SMAD9: variants seen among roughly 807,000 people sequenced by gnomAD.
The protein encoded by SMAD9 is MAD homolog 9.
A neutral mutation model predicts 46.1 loss-of-function variants in SMAD9; 36 were observed. The ratio of observed to expected loss-of-function variants is 0.78; its 90% confidence interval spans 0.60 to 1.03. The LOEUF is 1.03. SMAD9 is among the 50% of genes least tolerant of loss of function. The pLI, the probability that SMAD9 is intolerant of heterozygous loss-of-function variation, is 0.00. For synonymous variants in SMAD9, 245 were observed against 237.1 expected, an observed-to-expected ratio of 1.03 and a Z score of -0.31; for missense variants, 572 against 599.8, an observed-to-expected ratio of 0.95 and a Z score of 0.48.
intron 1 of SMAD9, among the ~76,000 whole-genome samples, chr13:36,889,220 G>C (rs145955921): frequency 2.0e-5 from 3 of 152,028 alleles, no homozygotes; most frequent in African/African-American, 7.3e-5. Context: ...GTGTCTCTGG[G>C]GTGCCCACAT....
intron 1 of SMAD9, among the ~76,000 whole-genome samples, chr13:36,908,598 A>T (rs2058636422): frequency 6.6e-6 from 1 of 152,246 alleles, no homozygotes; most frequent in Admixed American, 6.5e-5. Flanking sequence ...TACAATACAC[A>T]ACTAAATATG....
intron 2 of SMAD9, among the ~76,000 whole-genome samples, chr13:36,874,992 T>C (rs2058333175): frequency 6.6e-6 from 1 of 151,572 alleles, no homozygotes; most frequent in Non-Finnish European, 1.5e-5. Context: ...GAAATAGATA[T>C]GTAAGCATAT....
chr13:36,891,761 G>A (rs2058490680), intron 1 of SMAD9, among the ~76,000 whole-genome samples: 1 of 152,178 alleles, frequency 6.6e-6, no homozygotes, highest in Non-Finnish European at 1.5e-5. Context: ...TGAAAATGCA[G>A]TTATGGTGTA....
At chr13:36,897,817 A>C (rs1230544013) in intron 1 of SMAD9, among the ~76,000 whole-genome samples, 1 of 150,956 alleles carries the variant, frequency 6.6e-6, no homozygotes, top group African/African-American at 2.4e-5. Context: ...TCATTAGTGG[A>C]AACATTCCAA....
intron 2 of SMAD9, among the ~76,000 whole-genome samples, chr13:36,873,300 C>G (rs1173972801): frequency 6.6e-6 from 1 of 152,178 alleles, no homozygotes; most frequent in Non-Finnish European, 1.5e-5. Flanking sequence ...ATTGTTACGT[C>G]TTTCTTTAAT....
At chr13:36,863,847 T>G (rs1472879582) in intron 5 of SMAD9, among the ~76,000 whole-genome samples, 1 of 152,060 alleles carries the variant, frequency 6.6e-6, no homozygotes, top group African/African-American at 2.4e-5. Flanking sequence ...CAAATAAACC[T>G]CTTTTTTTAA....
Position 36,920,196 on chromosome 13 carries a change from G to T in SMAD9, c.-267C>A, listed in dbSNP as rs1363975941. 6.2e-6 allele frequency: 1 copy of T among 160,382 alleles called. No homozygotes were observed. Among genetic ancestry groups the T allele is most frequent in the Non-Finnish European group, 1.3e-5 (1 of 78,002 alleles). The allele number at this position is 160,382 out of a possible 1,614,324, so 9.9% of individuals were successfully genotyped here. On this transcript the variant is annotated 5_prime_UTR_variant, in exon 1 of 7. Coordinates refer to ENST00000379826, the MANE Select transcript of SMAD9 (RefSeq NM_001127217.3). ...AGACAGCGGCTGCAGCAGCGGCGGC[G>T]GCGGCGGCGGCGGCGGCGGCCCCAG...
At chr13:36,879,922 C>G (rs1305849315) in intron 1 of SMAD9, 47 bp from the exon 2 acceptor site, 1 of 563,348 alleles carries the variant, frequency 1.8e-6, no homozygotes, top group Non-Finnish European at 3.2e-6. Flanking sequence ...GAGTAACATT[C>G]AGAAAAAGTT....
chr13:36,914,044 T>C (rs1045537472), intron 1 of SMAD9, among the ~76,000 whole-genome samples: 6 of 152,208 alleles, frequency 3.9e-5, no homozygotes, highest in African/African-American at 1.4e-4. Flanking sequence ...GCTAATGTAC[T>C]TCCCTGGCCA....
intron 1 of SMAD9, among the ~76,000 whole-genome samples, chr13:36,887,201 G>C (rs1327336696): frequency 7.2e-6 from 1 of 138,714 alleles, no homozygotes; most frequent in Non-Finnish European, 1.6e-5. Context: ...GAAGTTAAAT[G>C]ATCTGACTAG....
chr13:36,851,028 G>A (rs1161752164), intron 6 of SMAD9, among the ~76,000 whole-genome samples: 1 of 152,164 alleles, frequency 6.6e-6, no homozygotes, highest in African/African-American at 2.4e-5. Context: ...CCTCCTAAGT[G>A]GTTTCCCTAC....
chr13:36,885,415 C>T (rs940175078), intron 1 of SMAD9, among the ~76,000 whole-genome samples: 2 of 151,984 alleles, frequency 1.3e-5, no homozygotes, highest in South Asian at 4.2e-4. Flanking sequence ...ATATTTAATT[C>T]AAATTTGTCC....
At chr13:36,919,669 C>A (rs2058726158) in intron 1 of SMAD9, among the ~76,000 whole-genome samples, 1 of 151,734 alleles carries the variant, frequency 6.6e-6, no homozygotes, top group African/African-American at 2.4e-5. Context: ...TGCCCACGCC[C>A]CGGGCCCCAG....
At chr13:36,911,307 G>A (rs754364957) in intron 1 of SMAD9, among the ~76,000 whole-genome samples, 11 of 152,074 alleles carry the variant, frequency 7.2e-5, no homozygotes, top group Non-Finnish European at 1.5e-4. Context: ...ATTGCACCTG[G>A]CCAACTATTG....
At chr13:36,878,631 T>C (rs1165646029) in intron 2 of SMAD9, among the ~76,000 whole-genome samples, 1 of 152,190 alleles carries the variant, frequency 6.6e-6, no homozygotes, top group Non-Finnish European at 1.5e-5. Flanking sequence ...ATTGGCTGTT[T>C]TCAGACCTAG....
At chr13:36,871,054 A>T (rs1289001910) in intron 3 of SMAD9, among the ~76,000 whole-genome samples, 2 of 152,202 alleles carry the variant, frequency 1.3e-5, no homozygotes, top group African/African-American at 2.4e-5. Flanking sequence ...TCAGGCTGCA[A>T]CTGACCTCTG....
At position 36,877,448 on chromosome 13, in the gene SMAD9, A is replaced by G. The variant is rs2058356123; in HGVS notation, c.412+1830T>C. Among the ~76,000 whole-genome samples the G allele has an allele frequency of 2.6e-5, 4 of 152,204 alleles. No individual in the cohort carries two copies. In the South Asian group the frequency reaches 6.2e-4, roughly 24 times the overall value. On this transcript the variant is annotated intron_variant, in intron 2 of 6. Transcript: ENST00000379826. ...AGGAAAACCAGGTACATTTTACAAG[A>G]TATTTCTTACAAGTTGTTAAATTTT...
At chr13:36,882,685 G>C (rs912277054) in intron 1 of SMAD9, among the ~76,000 whole-genome samples, 3 of 152,208 alleles carry the variant, frequency 2.0e-5, no homozygotes, top group Admixed American at 6.5e-5. Flanking sequence ...CTCCAGGTAG[G>C]CTAGAAATAG....
chr13:36,918,188 A>G (rs2058713276), intron 1 of SMAD9, among the ~76,000 whole-genome samples: 1 of 152,258 alleles, frequency 6.6e-6, no homozygotes, highest in Non-Finnish European at 1.5e-5. Flanking sequence ...GAAAAGCCAA[A>G]TAGTTCATGT....
Sources: gnomAD v4.1 joint callset for allele counts (sites outside exome capture counted in the v4.1 genomes callset) on GRCh38, gnomAD v4.1.1 for gene constraint, MANE v1.5 for transcripts, NCBI Gene and HGNC (gene_info 2026-07-23, HGNC 2026-07-21) for gene names.